Variants in AGBL4 observed in about 807,000 individuals in gnomAD.
The protein encoded by AGBL4 is AGBL carboxypeptidase 4, also known as cytosolic carboxypeptidase 6.
AGBL4 carries 58 observed loss-of-function variants against 66.4 expected under a neutral mutation model. The ratio of observed to expected loss-of-function variants is 0.87; its 90% CI spans 0.71 to 1.09. The LOEUF is 1.09. Ranked by LOEUF, AGBL4 falls within the 50% of genes least tolerant of loss-of-function variation. AGBL4 has a pLI of 0.00. For missense variants in AGBL4, 579 were observed against 631.0 expected, an observed-to-expected ratio of 0.92 and a Z score of 0.88; for synonymous variants, 234 against 222.9, an observed-to-expected ratio of 1.05 and a Z score of -0.44.
intron 3 of AGBL4, among the ~76,000 whole-genome samples, chr1:49,590,607 T>C (rs1644734439): frequency 1.3e-5 from 2 of 152,048 alleles, no homozygotes; most frequent in African/African-American, 4.8e-5. Flanking sequence ...AGAGAGCGTA[T>C]AATCAAAATG....
At chr1:49,448,930 C>T (rs1028995639) in intron 3 of AGBL4, among the ~76,000 whole-genome samples, 1 of 150,820 alleles carries the variant, frequency 6.6e-6, no homozygotes, top group Middle Eastern at 3.2e-3. Flanking sequence ...CTATTTAAGA[C>T]TGAAGTATGT....
chr1:49,301,061 A>G (rs1644736399), intron 3 of AGBL4, among the ~76,000 whole-genome samples: 2 of 152,208 alleles, frequency 1.3e-5, no homozygotes, highest in Non-Finnish European at 1.5e-5. Flanking sequence ...GTGGCATATA[A>G]TATGTGCTAA....
At chr1:49,076,498 A>T (rs1406532126) in intron 4 of AGBL4, among the ~76,000 whole-genome samples, 2 of 152,188 alleles carry the variant, frequency 1.3e-5, no homozygotes, top group Admixed American at 1.3e-4. Context: ...CTACTCTAAG[A>T]AAAGGAAGTC....
intron 2 of AGBL4, among the ~76,000 whole-genome samples, chr1:49,766,207 T>C (rs1652720003): frequency 6.6e-6 from 1 of 152,032 alleles, no homozygotes; most frequent in Admixed American, 6.6e-5. Context: ...TGAGAACACA[T>C]ATAAAAGAAA....
In AGBL4 at chr1:49,164,929, T is replaced by A. The variant is rs530437522; in HGVS notation, c.377+80841A>T. ...CACAAGGAGCTTGCTTAGCTCCCTG[T>A]TGGGTGGGGTTTAGAGCCAGCTCCA... is the stretch of plus-strand genomic sequence containing the variant. On this transcript the variant is annotated intron_variant, in intron 4 of 13. Transcript: ENST00000371839. Among the ~76,000 whole-genome samples the A allele has an allele frequency of 3.9e-5, 6 of 152,188 alleles. 1 individual carries two copies. In the South Asian group the frequency reaches 1.2e-3, roughly 32 times the overall value.
chr1:49,580,468 CCTT>C (rs1372840395), intron 3 of AGBL4, among the ~76,000 whole-genome samples: 2 of 152,118 alleles, frequency 1.3e-5, no homozygotes, highest in Admixed American at 1.3e-4. Flanking sequence ...TTCTCTTCCT[CCTT>C]TGTGCAATTG....
intron 2 of AGBL4, among the ~76,000 whole-genome samples, chr1:49,740,210 C>A (rs1180091150): frequency 2.0e-5 from 3 of 151,954 alleles, no homozygotes; most frequent in Non-Finnish European, 4.4e-5. Context: ...GGAAGATCTA[C>A]CAAGCAAATG....
chr1:49,120,512 G>T (rs567927267), intron 4 of AGBL4, among the ~76,000 whole-genome samples: 1 of 152,144 alleles, frequency 6.6e-6, no homozygotes, highest in East Asian at 1.9e-4. Flanking sequence ...CAAGAATGTT[G>T]AATATTGGCC....
intron 3 of AGBL4, among the ~76,000 whole-genome samples, chr1:49,282,237 T>C (rs893887599): frequency 1.3e-5 from 2 of 152,206 alleles, no homozygotes; most frequent in Non-Finnish European, 2.9e-5. Flanking sequence ...TTTTTTTGTA[T>C]GTCTTACAGG....
intron 6 of AGBL4, among the ~76,000 whole-genome samples, chr1:48,719,020 A>T (rs535062946): frequency 1.1e-4 from 17 of 152,176 alleles, no homozygotes; most frequent in Admixed American, 2.6e-4. Context: ...AATAAATCTC[A>T]GGATTCAGAC....
At chr1:49,937,484 G>A (rs1346108852) in intron 1 of AGBL4, among the ~76,000 whole-genome samples, 1 of 152,034 alleles carries the variant, frequency 6.6e-6, no homozygotes, top group African/African-American at 2.4e-5. Flanking sequence ...TCTGCACCAA[G>A]CAGACCTAAT....
intron 2 of AGBL4, among the ~76,000 whole-genome samples, chr1:49,817,732 A>C (rs548270380): frequency 1.3e-5 from 2 of 152,218 alleles, no homozygotes; most frequent in African/African-American, 2.4e-5. Context: ...CCCTGTTTAG[A>C]TATGTAAAAG....
chr1:49,163,177 T>C (rs971192503), intron 4 of AGBL4, among the ~76,000 whole-genome samples: 1 of 152,214 alleles, frequency 6.6e-6, no homozygotes, highest in Non-Finnish European at 1.5e-5. Context: ...TTAGAACAAG[T>C]ACTCTTTCAC....
At chr1:49,548,292 A>C (rs537860964) in intron 3 of AGBL4, among the ~76,000 whole-genome samples, 1 of 152,160 alleles carries the variant, frequency 6.6e-6, no homozygotes, top group East Asian at 1.9e-4. Context: ...GATGCGTTTT[A>C]TTTCTTTCTC....
intron 4 of AGBL4, among the ~76,000 whole-genome samples, chr1:49,210,212 T>G (rs1557732197): frequency 1.3e-5 from 2 of 152,114 alleles, no homozygotes; most frequent in African/African-American, 2.4e-5. Flanking sequence ...AAACATGATC[T>G]CCTTTCATCT....
At chr1:49,377,963 ACATGCCTTGTCTCCCAACACAAACTT>A (rs1644506200) in intron 3 of AGBL4, among the ~76,000 whole-genome samples, 8 of 152,112 alleles carry the variant, frequency 5.3e-5, no homozygotes, top group East Asian at 1.9e-4. Flanking sequence ...TGTACATCTT[ACATGCCTTGTCTCCCAACACAAACTT>A]CATGCCTTGT....
chr1:49,310,590 T>C (rs1292833375), intron 3 of AGBL4, among the ~76,000 whole-genome samples: 1 of 152,062 alleles, frequency 6.6e-6, no homozygotes, highest in African/African-American at 2.4e-5. Context: ...CTTTAATCTG[T>C]TTAAATAAAA....
At chr1:49,175,146 A>T (rs536624888) in intron 4 of AGBL4, 1 of 152,146 alleles carries the variant, frequency 6.6e-6, no homozygotes, top group East Asian at 1.9e-4. Flanking sequence ...TTTTTCTAAG[A>T]AGTAAGGTAT....
intron 3 of AGBL4, among the ~76,000 whole-genome samples, chr1:49,457,748 C>A (rs113424633): frequency 6.6e-6 from 1 of 151,602 alleles, no homozygotes; most frequent in East Asian, 1.9e-4. Context: ...CAAGGTGAGA[C>A]ATAAGGATCC....
Sources: allele counts gnomAD v4.1 joint callset (sites outside exome capture counted in the v4.1 genomes callset), GRCh38; gene constraint gnomAD v4.1.1; transcripts MANE v1.5; gene names NCBI Gene and HGNC (gene_info 2026-07-23, HGNC 2026-07-21).